Variants in OPRD1 observed in about 807,000 individuals in gnomAD.
OPRD1 encodes delta-type opioid receptor.
A neutral mutation model predicts 17.5 loss-of-function variants in OPRD1; 19 were observed. That is an observed-to-expected ratio of 1.09 (90% CI 0.76 to 1.60). The LOEUF is 1.60. Ranked by LOEUF, OPRD1 falls within the 40% of genes most tolerant of loss-of-function variation. The probability of loss-of-function intolerance (pLI) is 0.00; values close to 1 mark genes in which losing one functional copy is unlikely to be tolerated. For missense variants in OPRD1, 483 were observed against 547.2 expected, an observed-to-expected ratio of 0.88 and a Z score of 1.17; for synonymous variants, 256 against 240.9, an observed-to-expected ratio of 1.06 and a Z score of -0.58.
intron 1 of OPRD1, among the ~76,000 whole-genome samples, chr1:28,843,780 G>A (rs903613776): frequency 6.6e-6 from 1 of 151,888 alleles, no homozygotes; most frequent in Non-Finnish European, 1.5e-5. Flanking sequence ...CACCACGCCC[G>A]GCTAATTTTT....
intron 1 of OPRD1, among the ~76,000 whole-genome samples, chr1:28,828,766 G>T (rs2088787873): frequency 6.6e-6 from 1 of 151,498 alleles, no homozygotes; most frequent in Non-Finnish European, 1.5e-5. Flanking sequence ...AAGGCAGGTG[G>T]ATCACCTGAG....
intron 2 of OPRD1, among the ~76,000 whole-genome samples, chr1:28,861,038 G>A (rs2089111877): frequency 6.6e-6 from 1 of 152,114 alleles, no homozygotes; most frequent in Admixed American, 6.5e-5. Flanking sequence ...TGTGCCATCA[G>A]CACTTATTGA....
rs1395593390 is a variant in OPRD1, at chr1:28,816,551, C to A, written c.227+3941C>A. ...CAAGAAGCTACCTGAGAAGCTGTCT[C>A]ATCCTGGGGGCCTGAGAGGGGCCTC... is the stretch of plus-strand genomic sequence containing the variant. On this transcript the variant is annotated intron_variant, in intron 1 of 2. Coordinates refer to ENST00000234961, the MANE Select transcript of OPRD1 (RefSeq NM_000911.4). 2.0e-5 allele frequency among the ~76,000 whole-genome samples: 3 copies of A among 152,180 alleles called. No individual in the cohort carries two copies. The South Asian group carries it at 6.2e-4, about 31-fold the overall frequency.
At chr1:28,849,464 A>G (rs2088980131) in intron 1 of OPRD1, among the ~76,000 whole-genome samples, 1 of 152,192 alleles carries the variant, frequency 6.6e-6, no homozygotes, top group Admixed American at 6.5e-5. Context: ...GAAGCCCACC[A>G]GTTGACAGAG....
intron 1 of OPRD1, among the ~76,000 whole-genome samples, chr1:28,856,019 A>T (rs1340252710): frequency 2.6e-5 from 4 of 152,236 alleles, no homozygotes. Context: ...ATGCGAGTTT[A>T]TTCCGTCATT....
In OPRD1 at chr1:28,862,826, C is replaced by G; in HGVS notation, c.662C>G (p.Ala221Gly). 1 of 1,613,414 alleles carries G rather than the reference C, an allele frequency of 6.2e-7. No individual in the cohort carries two copies. The highest frequency in any genetic ancestry group is 8.5e-7 in the Non-Finnish European group (1 of 1,180,032). ...ACCAAGATCTGCGTGTTCCTCTTCG[C>G]CTTCGTGGTGCCCATCCTCATCATC... The part of the protein sequence containing the change: ...TVTKICVFLF[A>G]FVVPILIITV... Residue 221 changes from alanine to glycine, a missense_variant, in exon 3 of 3, where the codon GCC (alanine) becomes GGC (glycine). By Grantham distance (60) the Ala-to-Gly change is moderately conservative. Transcript: ENST00000234961.
intron 1 of OPRD1, among the ~76,000 whole-genome samples, chr1:28,845,896 T>G (rs1365287854): frequency 2.6e-5 from 4 of 152,222 alleles, no homozygotes; most frequent in African/African-American, 9.6e-5. Flanking sequence ...TGCCTTGTGC[T>G]CCATCTGGCT....
chr1:28,859,754 C>G (rs192543758), intron 2 of OPRD1, among the ~76,000 whole-genome samples: 1 of 152,214 alleles, frequency 6.6e-6, no homozygotes. Context: ...TTTAAACTCC[C>G]TTTCATCCTA....
chr1:28,853,993 G>A (rs774964777), intron 1 of OPRD1, among the ~76,000 whole-genome samples: 8 of 151,810 alleles, frequency 5.3e-5, no homozygotes, highest in Non-Finnish European at 8.8e-5. Context: ...TGCCTGCCTC[G>A]GCCTCTCAAA....
intron 1 of OPRD1, among the ~76,000 whole-genome samples, chr1:28,850,650 TG>T (rs2088993466): frequency 6.6e-6 from 1 of 151,772 alleles, no homozygotes; most frequent in Admixed American, 6.6e-5. Flanking sequence ...CTAGGCATGA[TG>T]GTGCACCTGC....
At chr1:28,833,693 T>C (rs969126306) in intron 1 of OPRD1, among the ~76,000 whole-genome samples, 2 of 152,140 alleles carry the variant, frequency 1.3e-5, no homozygotes. Flanking sequence ...AGACTAACCA[T>C]CACGGGGCCA....
At chr1:28,814,622 C>G (rs981944244) in intron 1 of OPRD1, among the ~76,000 whole-genome samples, 2 of 152,176 alleles carry the variant, frequency 1.3e-5, no homozygotes, top group Non-Finnish European at 2.9e-5. Context: ...GGGCCTCTGG[C>G]TGGTTGGCTG....
chr1:28,846,854 C>CTTTCTTTCTTTCTTTCT (rs2088953446), intron 1 of OPRD1, among the ~76,000 whole-genome samples: 28 of 54,278 alleles, frequency 5.2e-4, no homozygotes, highest in African/African-American at 1.3e-3. Context: ...TCTTTTCTTT[C>CTTTCTTTCTTTCTTTCT]TTTCTTTCTT....
intron 1 of OPRD1, among the ~76,000 whole-genome samples, chr1:28,822,909 G>A (rs1017379708): frequency 6.6e-6 from 1 of 152,128 alleles, no homozygotes; most frequent in African/African-American, 2.4e-5. Context: ...TAACCTCAGA[G>A]TCCTGGGACC....
chr1:28,858,060 G>T lies in OPRD1; in HGVS notation c.228-894G>T, dbSNP rs192222821. On this transcript the variant is annotated intron_variant, in intron 1 of 2. Transcript: ENST00000234961. Reference sequence around the variant, plus strand: ...TCCGCCCACCTCGGCCTCCCAAAGTGCCGGGATTACAGGTGTGAGCCACCA... The same window carrying T: ...TCCGCCCACCTCGGCCTCCCAAAGTTCCGGGATTACAGGTGTGAGCCACCA... Among the ~76,000 whole-genome samples the T allele has an allele frequency of 6.5e-4, 99 of 151,732 alleles. 3 individuals carry two copies. The East Asian group carries it at 0.018, about 28-fold the overall frequency.
At chr1:28,821,088 A>G (rs1267766580) in intron 1 of OPRD1, among the ~76,000 whole-genome samples, 1 of 151,042 alleles carries the variant, frequency 6.6e-6, no homozygotes, top group Non-Finnish European at 1.5e-5. Flanking sequence ...CTGTTTCTCA[A>G]TTTTATTTAT....
intron 1 of OPRD1, among the ~76,000 whole-genome samples, chr1:28,848,301 C>A (rs1034910668): frequency 6.6e-6 from 1 of 152,032 alleles, no homozygotes; most frequent in Non-Finnish European, 1.5e-5. Context: ...GGAGTTAGGG[C>A]TTCAGTATAT....
chr1:28,839,113 T>C (rs975327314), intron 1 of OPRD1, among the ~76,000 whole-genome samples: 3 of 152,154 alleles, frequency 2.0e-5, no homozygotes, highest in African/African-American at 7.2e-5. Flanking sequence ...ACTTGATGGC[T>C]TAAAACAGAA....
chr1:28,868,520 A>T lies in OPRD1; in HGVS notation c.*5237A>T, dbSNP rs935512997. The T allele has an allele frequency of 2.0e-5, 3 of 152,268 alleles. No homozygotes were observed. Among genetic ancestry groups the T allele is most frequent in the Non-Finnish European group, 4.4e-5 (3 of 68,100 alleles). 9.4% of individuals were successfully genotyped at this position (152,268 alleles called of 1,614,324 possible). On this transcript the variant is annotated 3_prime_UTR_variant, in exon 3 of 3. Coordinates refer to ENST00000234961, the MANE Select transcript of OPRD1 (RefSeq NM_000911.4). The stretch of plus-strand genomic sequence containing the variant: ...ACGTGTGCCAGAGGCAGCTGCTCTA[A>T]GGAGGCTTGCTGGGCTTGGAATTAG...
Sources: allele counts gnomAD v4.1 joint callset (sites outside exome capture counted in the v4.1 genomes callset), GRCh38; gene constraint gnomAD v4.1.1; transcripts MANE v1.5; gene names NCBI Gene and HGNC (gene_info 2026-07-23, HGNC 2026-07-21).